Variants in RPS6KC1 observed in about 807,000 individuals in gnomAD.
The protein encoded by RPS6KC1 is ribosomal protein S6 kinase C1.
In RPS6KC1, 54 loss-of-function variants were observed where a neutral mutation model predicts 103.8. The observed-to-expected ratio is 0.52, with a 90% CI of 0.42 to 0.65. The LOEUF (loss-of-function observed/expected upper bound fraction) is 0.65, where lower values mean the gene tolerates loss of function less well. Among genes scored for constraint, RPS6KC1 ranks in the 30% least tolerant of loss-of-function variants. The probability of loss-of-function intolerance (pLI) is 0.00; values close to 1 mark genes in which losing one functional copy is unlikely to be tolerated. For missense variants in RPS6KC1, 1,151 were observed against 1,253.8 expected (o/e 0.92, Z 1.24); for synonymous variants, 439 against 438.7 (o/e 1.00, Z -0.01).
chr1:213,371,635 T>C, the RPS6KC1 span, among the ~76,000 whole-genome samples: 4,719 of 152,260 alleles, frequency 0.031, 258 homozygotes, highest in African/African-American at 0.11. Context: ...TTGTTTTTAA[T>C]AGTGGCTATC....
At chr1:213,362,641 C>G in the RPS6KC1 span, among the ~76,000 whole-genome samples, 1 of 152,144 alleles carries the variant, frequency 6.6e-6, no homozygotes, top group Non-Finnish European at 1.5e-5. Context: ...GGGGGCACAA[C>G]TGGCTCATGA....
the RPS6KC1 span, among the ~76,000 whole-genome samples, chr1:213,801,744 A>T: frequency 2.0e-5 from 3 of 152,164 alleles, no homozygotes; most frequent in African/African-American, 7.2e-5. Flanking sequence ...TGCTCCATTA[A>T]TTATTCTGTG....
chr1:213,357,767 C>T, the RPS6KC1 span, among the ~76,000 whole-genome samples: 9 of 152,318 alleles, frequency 5.9e-5, no homozygotes, highest in East Asian at 5.8e-4. Flanking sequence ...GCTCCATTTG[C>T]GGCTGAATGC....
intron 7 of RPS6KC1, among the ~76,000 whole-genome samples, 183 bp from the exon 8 acceptor site, chr1:213,176,217 T>C (rs2091856394): frequency 6.6e-6 from 1 of 152,220 alleles, no homozygotes; most frequent in African/African-American, 2.4e-5. Flanking sequence ...TTCTTTTTGA[T>C]TTTCTTTAGT....
the RPS6KC1 span, among the ~76,000 whole-genome samples, chr1:213,467,997 C>T: frequency 6.6e-6 from 1 of 152,198 alleles, no homozygotes; most frequent in African/African-American, 2.4e-5. Context: ...AAGAACACTC[C>T]ATTTGTTCTC....
At chr1:213,609,674 C>T in the RPS6KC1 span, among the ~76,000 whole-genome samples, 3 of 151,692 alleles carry the variant, frequency 2.0e-5, no homozygotes, top group South Asian at 6.3e-4. Context: ...TCTCTTTGGC[C>T]TTGCAAAGTC....
At chr1:213,797,572 C>T in the RPS6KC1 span, among the ~76,000 whole-genome samples, 7 of 152,140 alleles carry the variant, frequency 4.6e-5, no homozygotes, top group South Asian at 2.1e-4. Flanking sequence ...ATCCTCTGCA[C>T]GGGAAGTCCT....
chr1:213,442,331 G>A, the RPS6KC1 span, among the ~76,000 whole-genome samples: 1 of 152,156 alleles, frequency 6.6e-6, no homozygotes, highest in South Asian at 2.1e-4. Context: ...CCAGAACAGT[G>A]CCCACACTCA....
chr1:213,629,237 T>G, the RPS6KC1 span, among the ~76,000 whole-genome samples: 1 of 152,124 alleles, frequency 6.6e-6, no homozygotes, highest in Admixed American at 6.5e-5. Context: ...TGTAGGTCTC[T>G]AAGGACTTGC....
intron 4 of RPS6KC1, among the ~76,000 whole-genome samples, chr1:213,113,927 T>C (rs1307285962): frequency 2.0e-5 from 3 of 152,208 alleles, no homozygotes; most frequent in Non-Finnish European, 2.9e-5. Flanking sequence ...ATATCTCTAT[T>C]TTGGTACCAG....
chr1:213,421,512 A>G, the RPS6KC1 span, among the ~76,000 whole-genome samples: 1 of 152,230 alleles, frequency 6.6e-6, no homozygotes, highest in East Asian at 1.9e-4. Flanking sequence ...AATTTGAATG[A>G]GACCAAATAG....
chr1:213,333,445 C>T, the RPS6KC1 span, among the ~76,000 whole-genome samples: 1 of 152,090 alleles, frequency 6.6e-6, no homozygotes, highest in African/African-American at 2.4e-5. Context: ...ATGTCCATTC[C>T]TAGAGACAGA....
At chr1:213,752,638 C>T in the RPS6KC1 span, among the ~76,000 whole-genome samples, 1 of 152,142 alleles carries the variant, frequency 6.6e-6, no homozygotes, top group Admixed American at 6.5e-5. Flanking sequence ...AAAGAGGTGC[C>T]TATCAAAATG....
chr1:213,418,274 G>A, the RPS6KC1 span, among the ~76,000 whole-genome samples: 7 of 152,172 alleles, frequency 4.6e-5, no homozygotes, highest in African/African-American at 1.7e-4. Flanking sequence ...GGTGCCCAGG[G>A]TCGTGTGTAA....
chr1:213,100,026 A>C (rs1301016438), intron 3 of RPS6KC1, among the ~76,000 whole-genome samples: 1 of 152,172 alleles, frequency 6.6e-6, no homozygotes, highest in Non-Finnish European at 1.5e-5. Context: ...GTTTTATTTT[A>C]TAAGGAACTA....
Position 213,057,154 on chromosome 1 carries a change from T to A in RPS6KC1, c.105+5645T>A, listed in dbSNP as rs146319699. Among the ~76,000 whole-genome samples the A allele has an allele frequency of 3.0e-3, 463 of 152,224 alleles. 4 individuals carry two copies. Among genetic ancestry groups the A allele is most frequent in the African/African-American group, 0.01 (426 of 41,550 alleles). On this transcript the variant is annotated intron_variant, in intron 1 of 14. Coordinates refer to ENST00000366960, the MANE Select transcript of RPS6KC1 (RefSeq NM_012424.6). ...CGGGGTTTCACCATGTTGCCCAGGC[T>A]GATCTTGAACTCCTGAGCTCAAGTG...
rs114933704 is a variant in RPS6KC1 at position 213,145,879 on chromosome 1, C to T, written c.835+15990C>T. 3.4e-3 allele frequency among the ~76,000 whole-genome samples: 514 copies of T among 150,286 alleles called. 6 individuals carry two copies. Among genetic ancestry groups the T allele is most frequent in the African/African-American group, 0.012 (475 of 40,780 alleles). On this transcript the variant is annotated intron_variant, in intron 6 of 14. Transcript: ENST00000366960. ...TTGAGTTATGAACAATCCAATTACA[C>T]GCTATGTTTTTAAAAAATGTACAAT...
At chr1:213,390,247 A>G in the RPS6KC1 span, among the ~76,000 whole-genome samples, 1 of 152,230 alleles carries the variant, frequency 6.6e-6, no homozygotes. Context: ...AAAATGCCCA[A>G]TAGTTGGATG....
the RPS6KC1 span, among the ~76,000 whole-genome samples, chr1:213,499,409 A>C: frequency 6.6e-6 from 1 of 152,160 alleles, no homozygotes; most frequent in Non-Finnish European, 1.5e-5. Flanking sequence ...ATTTTTCCGT[A>C]GTAGGTCGGA....
Sources: gnomAD v4.1 joint callset for allele counts (sites outside exome capture counted in the v4.1 genomes callset) on GRCh38, gnomAD v4.1.1 for gene constraint, MANE v1.5 for transcripts, NCBI Gene and HGNC (gene_info 2026-07-23, HGNC 2026-07-21) for gene names.